The following CSMD1 variants were observed in gnomAD, a reference collection of about 807,000 sequenced individuals.
The protein encoded by CSMD1 is CUB and sushi domain-containing protein 1.
A neutral mutation model predicts 417.5 loss-of-function variants in CSMD1; 213 were observed. That is an observed-to-expected ratio of 0.51 (90% confidence interval 0.46 to 0.57). The LOEUF (loss-of-function observed/expected upper bound fraction) is 0.57, where lower values mean the gene tolerates loss of function less well. Among genes scored for constraint, CSMD1 ranks in the 20% least tolerant of loss-of-function variants. The pLI is 0.00. For missense variants in CSMD1, 6,923 were observed against 4,529.7 expected (o/e 1.53, Z -15.17); for synonymous variants, 2,862 against 1,736.8 (o/e 1.65, Z -16.11).
intron 2 of CSMD1, among the ~76,000 whole-genome samples, chr8:4,546,018 T>A (rs528060815): frequency 6.6e-6 from 1 of 152,240 alleles, no homozygotes; most frequent in African/African-American, 2.4e-5. Context: ...CACAGCTGCA[T>A]CTACAGAGAC....
intron 54 of CSMD1, among the ~76,000 whole-genome samples, chr8:2,980,966 G>T (rs1585088565): frequency 6.6e-6 from 1 of 152,168 alleles, no homozygotes. Flanking sequence ...TCCTAAAATG[G>T]AAGAAGCATG....
intron 23 of CSMD1, among the ~76,000 whole-genome samples, chr8:3,330,892 C>A (rs200404688): frequency 6.6e-6 from 1 of 152,054 alleles, no homozygotes; most frequent in Non-Finnish European, 1.5e-5. Context: ...CATGAAAATG[C>A]TAAAATATTA....
At chr8:4,827,335 G>A (rs1799892486) in intron 1 of CSMD1, among the ~76,000 whole-genome samples, 1 of 152,002 alleles carries the variant, frequency 6.6e-6, no homozygotes, top group Admixed American at 6.6e-5. Flanking sequence ...TAACCCTAAG[G>A]CTAGAAGAGC....
At chr8:3,043,017 T>C (rs191117756) in intron 50 of CSMD1, among the ~76,000 whole-genome samples, 206 of 151,508 alleles carry the variant, frequency 1.4e-3, no homozygotes, top group Non-Finnish European at 1.4e-3. Context: ...CTATGACCTA[T>C]AAATACTAGA....
At position 4,994,824 on chromosome 8, in the gene CSMD1, C is replaced by G; in HGVS notation, c.-408G>C. On this transcript the variant is annotated 5_prime_UTR_variant, in exon 1 of 70. Coordinates refer to ENST00000635120, the MANE Select transcript of CSMD1 (RefSeq NM_033225.6). ...CGAGTGGGAGATGCGGGGAGGGGGG[C>G]GCGGGGGGGAGGAGAGATCCAGTCT... 1.6e-5 allele frequency: 2 copies of G among 121,752 alleles called. No individual in the cohort carries two copies. The highest frequency in any genetic ancestry group is 1.7e-5 in the Non-Finnish European group (1 of 59,420). 7.5% of individuals were successfully genotyped at this position (121,752 alleles called of 1,614,324 possible).
intron 2 of CSMD1, among the ~76,000 whole-genome samples, chr8:4,420,715 G>A (rs894840705): frequency 6.6e-5 from 10 of 152,072 alleles, no homozygotes; most frequent in Non-Finnish European, 1.2e-4. Flanking sequence ...CAAAGGCCCC[G>A]TGCAATAGGC....
chr8:4,201,494 C>T (rs185075229), intron 3 of CSMD1, among the ~76,000 whole-genome samples: 1 of 133,788 alleles, frequency 7.5e-6, no homozygotes. Context: ...GCCGACATAG[C>T]GCCACTGCCG....
At chr8:4,295,740 A>ATGTG (rs36133370) in intron 3 of CSMD1, among the ~76,000 whole-genome samples, 29 of 32,994 alleles carry the variant, frequency 8.8e-4, no homozygotes, top group African/African-American at 3.5e-3. Flanking sequence ...GTGTGTGTAT[A>ATGTG]TGTGTGTGTG....
chr8:3,027,652 G>A (rs1810034902), intron 51 of CSMD1, among the ~76,000 whole-genome samples: 1 of 152,166 alleles, frequency 6.6e-6, no homozygotes, highest in Non-Finnish European at 1.5e-5. Context: ...TGACAATTTA[G>A]AAAACAAATT....
At chr8:4,211,965 C>T (rs1028093208) in intron 3 of CSMD1, among the ~76,000 whole-genome samples, 1 of 152,100 alleles carries the variant, frequency 6.6e-6, no homozygotes, top group African/African-American at 2.4e-5. Flanking sequence ...ATCTTAGAGA[C>T]ATTTTTAGCA....
chr8:4,912,135 A>AAAAAAAAAAAAAAAGAAAAG (rs765904838), intron 1 of CSMD1, among the ~76,000 whole-genome samples: 1 of 115,612 alleles, frequency 8.6e-6, no homozygotes, highest in Non-Finnish European at 1.9e-5. Flanking sequence ...AAAAAAAAAA[A>AAAAAAAAAAAAAAAGAAAAG]AAAAAAGAAA....
intron 10 of CSMD1, among the ~76,000 whole-genome samples, chr8:3,547,780 GC>G (rs1798737874): frequency 1.3e-5 from 2 of 151,866 alleles, no homozygotes; most frequent in Non-Finnish European, 2.9e-5. Flanking sequence ...TTTTCTTGTT[GC>G]TCTTTAAGAT....
rs565219927 is a variant in CSMD1, at chr8:4,065,492, G to C, written c.416-33393C>G. Among the ~76,000 whole-genome samples, 8 of 152,254 alleles carry C rather than the reference G, an allele frequency of 5.3e-5. No homozygotes were observed. The East Asian group carries it at 1.2e-3, about 22-fold the overall frequency. ...TGAATGTACATTAGCTAATACAAAGGTCATGACACTGATTCAAAGTGAAGT... is the reference window on the plus strand; with the variant it reads ...TGAATGTACATTAGCTAATACAAAGCTCATGACACTGATTCAAAGTGAAGT... On this transcript the variant is annotated intron_variant, in intron 3 of 69. Transcript: ENST00000635120.
At chr8:4,050,161 T>A (rs554863779) in intron 3 of CSMD1, among the ~76,000 whole-genome samples, 1 of 152,280 alleles carries the variant, frequency 6.6e-6, no homozygotes, top group Non-Finnish European at 1.5e-5. Flanking sequence ...GGGACACGCA[T>A]CATCAGTGGG....
In CSMD1 at chr8:2,985,535, A is replaced by C. The variant is rs115573793; in HGVS notation, c.8378-6735T>G. Among the ~76,000 whole-genome samples the C allele has an allele frequency of 2.6e-3, 402 of 152,336 alleles. 4 individuals are homozygous for C. Among genetic ancestry groups the C allele is most frequent in the African/African-American group, 8.6e-3 (359 of 41,572 alleles). On this transcript the variant is annotated intron_variant, in intron 54 of 69. Coordinates refer to ENST00000635120, the MANE Select transcript of CSMD1 (RefSeq NM_033225.6). ...TCTATACAAAGTCACTAAATTACACAATGCATAGGCAATATATAGGCAATA... is the reference window on the plus strand; with the variant it reads ...TCTATACAAAGTCACTAAATTACACCATGCATAGGCAATATATAGGCAATA...
At chr8:4,359,397 C>A (rs1036716882) in intron 3 of CSMD1, among the ~76,000 whole-genome samples, 1 of 152,172 alleles carries the variant, frequency 6.6e-6, no homozygotes, top group Non-Finnish European at 1.5e-5. Flanking sequence ...CTCACAATAA[C>A]ATATTAACTA....
At chr8:4,764,703 C>A (rs1336358320) in intron 1 of CSMD1, among the ~76,000 whole-genome samples, 1 of 149,892 alleles carries the variant, frequency 6.7e-6, no homozygotes, top group Non-Finnish European at 1.5e-5. Context: ...AAAAACCCAT[C>A]TCTACTAAAA....
chr8:4,933,821 T>A (rs1274087097), intron 1 of CSMD1, among the ~76,000 whole-genome samples: 2 of 152,164 alleles, frequency 1.3e-5, no homozygotes, highest in African/African-American at 4.8e-5. Flanking sequence ...CCCGATACAT[T>A]TATTTTGATT....
chr8:3,205,378 AT>A, intron 31 of CSMD1, 125 bp downstream of exon 31: 1 of 584,738 alleles, frequency 1.7e-6, no homozygotes, highest in Non-Finnish European at 3.0e-6. Context: ...TGCTACTTAA[AT>A]GCAACTCATT....
Sources: gnomAD v4.1 joint callset for allele counts (sites outside exome capture counted in the v4.1 genomes callset) on GRCh38, gnomAD v4.1.1 for gene constraint, MANE v1.5 for transcripts, NCBI Gene and HGNC (gene_info 2026-07-23, HGNC 2026-07-21) for gene names.